RABGAP1L: variants seen among roughly 807,000 people sequenced by gnomAD.
The protein encoded by RABGAP1L is RAB GTPase activating protein 1 like, also known as rab GTPase-activating protein 1-like.
Under a neutral mutation model 137.7 loss-of-function variants are expected in RABGAP1L, and 63 were observed. That is an observed-to-expected ratio of 0.46 (90% CI 0.37 to 0.56). The LOEUF is 0.56. Ranked by LOEUF, RABGAP1L falls within the 20% of genes least tolerant of loss-of-function variation. The pLI is 0.00. For synonymous variants in RABGAP1L, 431 were observed against 433.7 expected (o/e 0.99, Z 0.08); for missense variants, 1,095 against 1,244.0 (o/e 0.88, Z 1.80).
At chr1:174,251,646 A>G (rs1672725850) in intron 6 of RABGAP1L, among the ~76,000 whole-genome samples, 1 of 152,208 alleles carries the variant, frequency 6.6e-6, no homozygotes, top group Non-Finnish European at 1.5e-5. Flanking sequence ...CTAGGCTAGA[A>G]TTTGATTAAC....
At chr1:174,604,218 C>T (rs973928312) in intron 13 of RABGAP1L, among the ~76,000 whole-genome samples, 1 of 152,166 alleles carries the variant, frequency 6.6e-6, no homozygotes, top group Non-Finnish European at 1.5e-5. Context: ...AACTCAGATA[C>T]CAACCACTGG....
intron 13 of RABGAP1L, among the ~76,000 whole-genome samples, chr1:174,568,147 C>T (rs1008566257): frequency 2.0e-5 from 3 of 151,992 alleles, no homozygotes; most frequent in Non-Finnish European, 4.4e-5. Context: ...GGAGCCAGCG[C>T]ATCACATGAT....
At chr1:174,238,520 CCCTG>C (rs1671435390) in intron 4 of RABGAP1L, among the ~76,000 whole-genome samples, 2 of 151,980 alleles carry the variant, frequency 1.3e-5, no homozygotes, top group Non-Finnish European at 2.9e-5. Context: ...TGTTGGAATA[CCCTG>C]CAGTGTGAGG....
At chr1:174,633,448 G>T (rs1017042334) in intron 13 of RABGAP1L, among the ~76,000 whole-genome samples, 6 of 151,432 alleles carry the variant, frequency 4.0e-5, no homozygotes, top group African/African-American at 1.5e-4. Flanking sequence ...CGTGAAAATG[G>T]CCATACTGCC....
intron 19 of RABGAP1L, among the ~76,000 whole-genome samples, chr1:174,817,038 T>TTTTTG (rs1332757341): frequency 2.6e-5 from 4 of 152,280 alleles, no homozygotes; most frequent in South Asian, 2.1e-4. Context: ...CAGTCCTTTT[T>TTTTTG]TTTTGTTTTG....
chr1:174,982,195 ACATAGG>A (rs1244272260), intron 23 of RABGAP1L, among the ~76,000 whole-genome samples: 2 of 152,100 alleles, frequency 1.3e-5, no homozygotes, highest in Non-Finnish European at 2.9e-5. Flanking sequence ...CAGTTTTGTT[ACATAGG>A]TATACACGTG....
chr1:174,504,238 G>A lies in RABGAP1L; in HGVS notation c.1710+110093G>A, dbSNP rs1661611654. Among the ~76,000 whole-genome samples, 4 of 151,908 alleles carry A rather than the reference G, an allele frequency of 2.6e-5. No individual in the cohort carries two copies. The South Asian group carries it at 8.3e-4, about 32-fold the overall frequency. On this transcript the variant is annotated intron_variant, in intron 13 of 25. Coordinates refer to ENST00000681986, the MANE Select transcript of RABGAP1L (RefSeq NM_001366446.1). ...TGTGCCCACCTTGGCCTCCCAAAGT[G>A]CTAGGATTACAGGCATGAGCCAGCA...
rs540456136 is a variant in RABGAP1L at position 174,600,345 on chromosome 1, C to CA, written c.1711-37029dup. ...CTGGCCCTTCCAAATTTCATGTCCT[C>CA]ACATTTCAGTACCAATCATGCCTTC... is the stretch of plus-strand genomic sequence containing the variant. On this transcript the variant is annotated intron_variant, in intron 13 of 25. Coordinates refer to ENST00000681986, the MANE Select transcript of RABGAP1L (RefSeq NM_001366446.1). Among the ~76,000 whole-genome samples the CA allele has an allele frequency of 8.5e-4, 130 of 152,250 alleles. 1 individual carries two copies. The highest frequency in any genetic ancestry group is 3.0e-3 in the African/African-American group (125 of 41,552).
chr1:174,247,366 CT>C (rs1672353641), intron 5 of RABGAP1L, among the ~76,000 whole-genome samples: 1 of 152,166 alleles, frequency 6.6e-6, no homozygotes, highest in Non-Finnish European at 1.5e-5. Flanking sequence ...CCAAAACCCC[CT>C]AACAGCAGTT....
intron 13 of RABGAP1L, among the ~76,000 whole-genome samples, chr1:174,514,799 G>A (rs965918156): frequency 3.9e-5 from 6 of 152,046 alleles, no homozygotes; most frequent in Non-Finnish European, 8.8e-5. Context: ...AAATTTGCAG[G>A]CTGGGCCCTG....
rs74126863 is a variant in RABGAP1L at position 174,687,366 on chromosome 1, A to T, written c.1899+3770A>T. On this transcript the variant is annotated intron_variant, in intron 15 of 25. Coordinates refer to ENST00000681986, the MANE Select transcript of RABGAP1L (RefSeq NM_001366446.1). The stretch of plus-strand genomic sequence containing the variant: ...ATTATTCAGTGTTGTCATGGCTTTT[A>T]TAAAAATAACTTGAAATATAGAAAT... Among the ~76,000 whole-genome samples, 870 of 152,310 alleles carry T rather than the reference A, an allele frequency of 5.7e-3. 7 individuals carry two copies. The highest frequency in any genetic ancestry group is 0.02 in the African/African-American group (830 of 41,562).
chr1:174,811,240 A>C (rs954738701), intron 18 of RABGAP1L, among the ~76,000 whole-genome samples: 3 of 152,224 alleles, frequency 2.0e-5, no homozygotes, highest in South Asian at 2.1e-4. Context: ...TTTGGTAAAC[A>C]ATAGTTTTCA....
chr1:174,615,906 T>C (rs1463995272), intron 13 of RABGAP1L, among the ~76,000 whole-genome samples: 2 of 152,214 alleles, frequency 1.3e-5, no homozygotes, highest in African/African-American at 4.8e-5. Flanking sequence ...AATCTCCTGG[T>C]GCGCCGTTTT....
intron 15 of RABGAP1L, among the ~76,000 whole-genome samples, chr1:174,697,446 C>A (rs1679344081): frequency 6.6e-6 from 1 of 152,156 alleles, no homozygotes; most frequent in African/African-American, 2.4e-5. Context: ...TCAGCTTCCC[C>A]AGTATCTAGG....
intron 11 of RABGAP1L, among the ~76,000 whole-genome samples, chr1:174,325,235 T>C (rs185098139): frequency 3.3e-5 from 5 of 152,294 alleles, no homozygotes; most frequent in Non-Finnish European, 7.4e-5. Context: ...ATGTTAATAG[T>C]GGGGGAAAGA....
chr1:174,420,286 G>T (rs1238057672), intron 13 of RABGAP1L, among the ~76,000 whole-genome samples: 3 of 151,298 alleles, frequency 2.0e-5, no homozygotes, highest in African/African-American at 7.3e-5. Flanking sequence ...GGAAAACCTG[G>T]CCAGTGTTTT....
chr1:174,590,053 T>A (rs926524093), intron 13 of RABGAP1L, among the ~76,000 whole-genome samples: 5 of 151,704 alleles, frequency 3.3e-5, no homozygotes, highest in Admixed American at 2.6e-4. Flanking sequence ...CTTTGGACAT[T>A]TTAACAATAT....
chr1:174,561,086 T>G (rs1667180733), intron 13 of RABGAP1L, among the ~76,000 whole-genome samples: 1 of 152,180 alleles, frequency 6.6e-6, no homozygotes, highest in Non-Finnish European at 1.5e-5. Flanking sequence ...TGTCTCTGTT[T>G]GCAGATGACA....
At position 174,170,905 on chromosome 1, in the gene RABGAP1L, A is replaced by G. The variant is rs1011886321; in HGVS notation, c.-34+11248A>G. 5.9e-5 allele frequency among the ~76,000 whole-genome samples: 9 copies of G among 152,244 alleles called. No homozygotes were observed. The East Asian group carries it at 1.7e-3, about 29-fold the overall frequency. ...CATTTTATTGGATAATATTTGAGAC[A>G]CCAAAGAAATCTTTGAAATCTTGTA... is the stretch of plus-strand genomic sequence containing the variant. On this transcript the variant is annotated intron_variant, in intron 1 of 25. Transcript: ENST00000681986.
Sources: gnomAD v4.1 joint callset for allele counts (sites outside exome capture counted in the v4.1 genomes callset) on GRCh38, gnomAD v4.1.1 for gene constraint, MANE v1.5 for transcripts, NCBI Gene and HGNC (gene_info 2026-07-23, HGNC 2026-07-21) for gene names.